The following PCDHGA6 variants were observed in gnomAD, a reference collection of about 807,000 sequenced individuals.
PCDHGA6 encodes protocadherin gamma subfamily A, 6, also known as protocadherin gamma-A6.
A neutral mutation model predicts 60.6 loss-of-function variants in PCDHGA6; 41 were observed. That is an observed-to-expected ratio of 0.68 (90% CI 0.53 to 0.88). PCDHGA6 has a LOEUF of 0.88. PCDHGA6 is among the 40% of genes least tolerant of loss of function. The pLI, the probability that PCDHGA6 is intolerant of heterozygous loss-of-function variation, is 0.00. For missense variants in PCDHGA6, 1,312 were observed against 1,203.0 expected (o/e 1.09, Z -1.34); for synonymous variants, 594 against 524.4 (o/e 1.13, Z -1.81).
intron 1 of PCDHGA6, among the ~76,000 whole-genome samples, chr5:141,484,122 T>C (rs1343894991): frequency 6.6e-6 from 1 of 152,180 alleles, no homozygotes; most frequent in African/African-American, 2.4e-5. Context: ...CAAGAATACC[T>C]TGGTGTCAGA....
At chr5:141,433,951 A>G (rs2097667078) in intron 1 of PCDHGA6, among the ~76,000 whole-genome samples, 1 of 152,032 alleles carries the variant, frequency 6.6e-6, no homozygotes, top group African/African-American at 2.4e-5. Context: ...TGTTTCTTCT[A>G]CAGTTGTTAA....
chr5:141,471,408 T>C (rs951728688), intron 1 of PCDHGA6: 1 of 152,166 alleles, frequency 6.6e-6, no homozygotes, highest in Non-Finnish European at 1.5e-5. Flanking sequence ...CTAGGCTTAG[T>C]TATGTTTTTA....
intron 1 of PCDHGA6, chr5:141,403,792 A>G: frequency 1.2e-6 from 2 of 1,613,922 alleles, no homozygotes; most frequent in African/African-American, 1.3e-5. Context: ...TGGCATACAA[A>G]TTCTGGAAAA....
At position 141,382,739 on chromosome 5, in the gene PCDHGA6, G is replaced by A. The variant is rs1005950630; in HGVS notation, c.2424+6232G>A. 8.7e-6 allele frequency: 5 copies of A among 573,776 alleles called. No homozygotes were observed. The African/African-American group carries it at 9.3e-5, about 11-fold the overall frequency. The allele number at this position is 573,776 out of a possible 1,614,324, so 35.5% of individuals were successfully genotyped here. On this transcript the variant is annotated intron_variant, in intron 1 of 3. Coordinates refer to ENST00000517434, the MANE Select transcript of PCDHGA6 (RefSeq NM_018919.3). ...ACCGAGTTTTACAGCACAGAGAAACGACAGATTGCGATAAGCCCTCTTCCA... is the reference window on the plus strand; with the variant it reads ...ACCGAGTTTTACAGCACAGAGAAACAACAGATTGCGATAAGCCCTCTTCCA...
intron 1 of PCDHGA6, chr5:141,395,272 G>C (rs750503990): frequency 6.5e-7 from 1 of 1,544,348 alleles, no homozygotes; most frequent in Admixed American, 2.1e-5. Context: ...TTAATTTCCA[G>C]ATGAATTTTA....
chr5:141,399,133 G>A (rs1054849184), intron 1 of PCDHGA6: 1 of 1,613,714 alleles, frequency 6.2e-7, no homozygotes, highest in Non-Finnish European at 8.5e-7. Flanking sequence ...TATTCAAGAT[G>A]AAAATGACAA....
chr5:141,399,751 G>A (rs564705346), intron 1 of PCDHGA6: 3 of 1,613,322 alleles, frequency 1.9e-6, no homozygotes, highest in Admixed American at 3.3e-5. Context: ...CAGCGCAAAC[G>A]TGAGCCTGCG....
intron 1 of PCDHGA6, among the ~76,000 whole-genome samples, chr5:141,455,253 C>T (rs187877877): frequency 6.6e-6 from 1 of 151,986 alleles, no homozygotes; most frequent in East Asian, 1.9e-4. Flanking sequence ...ATAGTACAAT[C>T]GCATTTCTTC....
chr5:141,382,928 A>G (rs746763440), intron 1 of PCDHGA6: 9 of 1,582,188 alleles, frequency 5.7e-6, no homozygotes, highest in South Asian at 3.4e-5. Flanking sequence ...GGCGGGGACT[A>G]CAGAGGATTC....
rs141397385 is a variant in PCDHGA6 at position 141,476,135 on chromosome 5, A to C, written c.2425-18672A>C. 8.4e-4 allele frequency: 1,352 copies of C among 1,608,526 alleles called. 1 individual carries two copies. Among genetic ancestry groups the C allele is most frequent in the Non-Finnish European group, 1.1e-3 (1,319 of 1,178,332 alleles). On this transcript the variant is annotated intron_variant, in intron 1 of 3. Transcript: ENST00000517434. This position sits in a 1 kb window ranked among gnomAD's most constrained non-coding sequence, Gnocchi z 7.6. ...GAGTGAGATGGTCCCAGAGGCCTGG[A>C]GGAGCGGACTGGTAAGCACCGGGAG...
chr5:141,476,483 G>A lies in PCDHGA6; in HGVS notation c.2425-18324G>A. On this transcript the variant is annotated intron_variant, in intron 1 of 3. Coordinates refer to ENST00000517434, the MANE Select transcript of PCDHGA6 (RefSeq NM_018919.3). The surrounding 1 kb of genome is among the most constrained non-coding windows in gnomAD (Gnocchi z 7.6). The stretch of plus-strand genomic sequence containing the variant: ...CCCGCTGGAGCTGTTCAGCGTGGAA[G>A]TGGTGATCCAGGACATCAACGACAA... The A allele has an allele frequency of 3.1e-6, 5 of 1,614,166 alleles. No individual in the cohort carries two copies. Among genetic ancestry groups the A allele is most frequent in the Non-Finnish European group, 4.2e-6 (5 of 1,180,034 alleles).
At chr5:141,437,188 G>T (rs1303844523) in intron 1 of PCDHGA6, among the ~76,000 whole-genome samples, 1 of 152,146 alleles carries the variant, frequency 6.6e-6, no homozygotes, top group Non-Finnish European at 1.5e-5. Context: ...CTGGGCAATG[G>T]GTTTGGATGT....
intron 3 of PCDHGA6, among the ~76,000 whole-genome samples, chr5:141,509,262 ACT>A (rs761383166): frequency 9.2e-5 from 14 of 151,714 alleles, no homozygotes; most frequent in Non-Finnish European, 1.9e-4. Flanking sequence ...GGCTTTAGTC[ACT>A]CTCGCTACCC....
chr5:141,489,729 C>T lies in PCDHGA6; in HGVS notation c.2425-5078C>T, dbSNP rs760195181. ...ACAGTGCCCAGGATCCGGATGTGGGCACCAATACTGTGAGCTTTTACACTC... is the reference window on the plus strand; with the variant it reads ...ACAGTGCCCAGGATCCGGATGTGGGTACCAATACTGTGAGCTTTTACACTC... On this transcript the variant is annotated intron_variant, in intron 1 of 3. Transcript: ENST00000517434. The surrounding 1 kb of genome is among the most constrained non-coding windows in gnomAD (Gnocchi z 4.5). 2.5e-6 allele frequency: 4 copies of T among 1,614,152 alleles called. No individual in the cohort carries two copies. The highest frequency in any genetic ancestry group is 2.2e-5 in the East Asian group (1 of 44,876).
At position 141,432,172 on chromosome 5, in the gene PCDHGA6, C is replaced by A. The variant is rs562175068; in HGVS notation, c.2424+55665C>A. ...AGAACAATCCCAGAGGAGTTTCCCT[C>A]GTCTCTGTGACCGCCCACGACCCCG... On this transcript the variant is annotated intron_variant, in intron 1 of 3. Coordinates refer to ENST00000517434, the MANE Select transcript of PCDHGA6 (RefSeq NM_018919.3). This position sits in a 1 kb window ranked among gnomAD's most constrained non-coding sequence, Gnocchi z 6.0. 5 of 1,614,152 alleles carry A rather than the reference C, an allele frequency of 3.1e-6. No homozygotes were observed. The South Asian group carries it at 4.4e-5, about 14-fold the overall frequency.
intron 1 of PCDHGA6, chr5:141,404,536 G>A: frequency 6.2e-7 from 1 of 1,613,922 alleles, no homozygotes; most frequent in Non-Finnish European, 8.5e-7. Flanking sequence ...TTAGAGATTT[G>A]CAAATGCAGG....
chr5:141,477,639 G>T lies in PCDHGA6; in HGVS notation c.2425-17168G>T, dbSNP rs2099414883. ...GGAGCTGAAACCGGGCTAGTGGGTCGCTATTTCACAATAAATCGTGACAAT... is the reference window on the plus strand; with the variant it reads ...GGAGCTGAAACCGGGCTAGTGGGTCTCTATTTCACAATAAATCGTGACAAT... On this transcript the variant is annotated intron_variant, in intron 1 of 3. Transcript: ENST00000517434. The surrounding 1 kb of genome is among the most constrained non-coding windows in gnomAD (Gnocchi z 4.9). 3.1e-6 allele frequency: 5 copies of T among 1,614,004 alleles called. No homozygotes were observed. Among genetic ancestry groups the T allele is most frequent in the Non-Finnish European group, 4.2e-6 (5 of 1,180,034 alleles).
chr5:141,408,597 A>G (rs1389452276), intron 1 of PCDHGA6: 1 of 1,614,042 alleles, frequency 6.2e-7, no homozygotes, highest in Non-Finnish European at 8.5e-7. Context: ...CACGCCCCTC[A>G]ATTTGATAAA....
chr5:141,422,686 C>T, intron 1 of PCDHGA6: 1 of 1,605,000 alleles, frequency 6.2e-7, no homozygotes, highest in East Asian at 2.2e-5. Flanking sequence ...ACAGAATGCC[C>T]TGGTCACTTA....
Sources: allele counts gnomAD v4.1 joint callset (sites outside exome capture counted in the v4.1 genomes callset), GRCh38; gene constraint gnomAD v4.1.1; non-coding constraint Gnocchi (gnomAD v3.1); transcripts MANE v1.5; gene names NCBI Gene and HGNC (gene_info 2026-07-23, HGNC 2026-07-21).